The following ZNF462 variants were observed in gnomAD, a reference collection of about 807,000 sequenced individuals.
ZNF462 encodes zinc finger PBX1-interacting protein.
ZNF462 carries 10 observed loss-of-function variants against 201.9 expected under a neutral mutation model. The observed-to-expected ratio is 0.05, with a 90% CI of 0.03 to 0.08. The LOEUF (loss-of-function observed/expected upper bound fraction) is 0.08. ZNF462 is among the 10% of genes least tolerant of loss of function. The pLI is 1.00. For synonymous variants in ZNF462, 1,227 were observed against 1,193.3 expected, an observed-to-expected ratio of 1.03 and a Z score of -0.58; for missense variants, 2,523 against 3,168.3, an observed-to-expected ratio of 0.80 and a Z score of 4.89.
At position 106,974,362 on chromosome 9, in the gene ZNF462, G is replaced by A. The variant is rs1826838286; in HGVS notation, c.6832+89G>A. On this transcript the variant is annotated intron_variant, in intron 9 of 12. Transcript: ENST00000277225. This position sits in a 1 kb window ranked among gnomAD's most constrained non-coding sequence, Gnocchi z 4.0. ...GGGATGCTCTCTCAGAGTGGCAGTA[G>A]CACCTGTGCCTTGTTCCTCACCTTA... 6.3e-7 allele frequency: 1 copy of A among 1,581,078 alleles called. No individual in the cohort carries two copies. Among genetic ancestry groups the A allele is most frequent in the Non-Finnish European group, 8.7e-7 (1 of 1,150,476 alleles).
rs1487052078 is a variant in ZNF462, at chr9:106,924,602, G to A, written c.690G>A (p.Glu230=). The part of the protein sequence containing the change: ...PAEVVERSIL[E]SMVKPLTKSR... Reference sequence around the variant, plus strand: ...AGGTTGTGGAGCGCAGCATCTTAGAGTCTATGGTCAAGCCTTTGACCAAAT... The same window carrying A: ...AGGTTGTGGAGCGCAGCATCTTAGAATCTATGGTCAAGCCTTTGACCAAAT... The change falls in exon 3 of 13, where the codon GAG becomes GAA. Residue 230 remains glutamate (E), a synonymous_variant. Coordinates refer to ENST00000277225, the MANE Select transcript of ZNF462 (RefSeq NM_021224.6). This position sits in a 1 kb window ranked among gnomAD's most constrained non-coding sequence, Gnocchi z 6.2. 6.2e-7 allele frequency: 1 copy of A among 1,614,182 alleles called. No homozygotes were observed. Among genetic ancestry groups the A allele is most frequent in the Non-Finnish European group, 8.5e-7 (1 of 1,180,030 alleles).
rs1359528829 is a variant in ZNF462, at chr9:106,935,059, A to G, written c.6117-444A>G. On this transcript the variant is annotated intron_variant, in intron 5 of 12. Transcript: ENST00000277225. The surrounding 1 kb of genome is among the most constrained non-coding windows in gnomAD (Gnocchi z 4.1). ...ATGAAAGTAGAATTAGAATTCAAAA[A>G]GAAAGTCAGCTCTTTTCAAATGCTA... 6.6e-6 allele frequency among the ~76,000 whole-genome samples: 1 copy of G among 152,232 alleles called. No homozygotes were observed. The highest frequency in any genetic ancestry group is 1.5e-5 in the Non-Finnish European group (1 of 68,040).
rs761436285 is a variant in ZNF462 at position 106,974,182 on chromosome 9, C to T, written c.6741C>T (p.Pro2247=). The change falls in exon 9 of 13, where the codon CCC becomes CCT. Residue 2247 remains proline (P), a synonymous_variant. Transcript: ENST00000277225. The surrounding 1 kb of genome is among the most constrained non-coding windows in gnomAD (Gnocchi z 4.0). ...TGGAAGCTGGGCACTCAGCAGTTCC[C>T]GAGGAGGGCCCCAAAGATCTTCGCT... ...MHVEAGHSAV[P]EEGPKDLRCP... is the part of the protein sequence containing the mutation. The T allele has an allele frequency of 1.9e-6, 3 of 1,613,996 alleles. No homozygotes were observed. Among genetic ancestry groups the T allele is most frequent in the East Asian group, 2.2e-5 (1 of 44,888 alleles).
Position 106,938,833 on chromosome 9 carries a change from CTGAGT to C in ZNF462, c.6236-81_6236-77del. 7.2e-7 allele frequency: 1 copy of C among 1,393,792 alleles called. No homozygotes were observed. The highest frequency in any genetic ancestry group is 9.7e-7 in the Non-Finnish European group (1 of 1,033,232). The allele number at this position is 1,393,792 out of a possible 1,614,324, so 86.3% of individuals were successfully genotyped here. Reference sequence around the variant, plus strand: ...GATGCGCTTCTCTAGCATGAGTTAACTGAGTTATCTTGTTTCCACCCTGGCCTTAT... The same window carrying C: ...GATGCGCTTCTCTAGCATGAGTTAACTATCTTGTTTCCACCCTGGCCTTAT... On this transcript the variant is annotated intron_variant, in intron 6 of 12. Transcript: ENST00000277225. The surrounding 1 kb of genome is among the most constrained non-coding windows in gnomAD (Gnocchi z 4.4).
In ZNF462 at chr9:106,913,717, C is replaced by T. The variant is rs1829648989; in HGVS notation, c.-30-9637C>T. 6.6e-6 allele frequency among the ~76,000 whole-genome samples: 1 copy of T among 150,664 alleles called. No individual in the cohort carries two copies. On this transcript the variant is annotated intron_variant, in intron 1 of 12. Coordinates refer to ENST00000277225, the MANE Select transcript of ZNF462 (RefSeq NM_021224.6). This position sits in a 1 kb window ranked among gnomAD's most constrained non-coding sequence, Gnocchi z 4.1. ...GGCTCAAACAGTTTTCCTGCCTCAG[C>T]CTCCCGAGTAGCTGGGATTACAGGC...
At chr9:106,946,086 G>C (rs1031093066) in intron 7 of ZNF462, among the ~76,000 whole-genome samples, 4 of 152,166 alleles carry the variant, frequency 2.6e-5, no homozygotes, top group Admixed American at 6.5e-5. Context: ...TCATCTCCCT[G>C]TTCCCATGCC....
In ZNF462 at chr9:106,963,842, A is replaced by G. The variant is rs1831950009; in HGVS notation, c.6428-8163A>G. ...TATATCCATAGAACAACAACTCTCC[A>G]CTTCCTTCTACCCACAGCCCCTGGC... On this transcript the variant is annotated intron_variant, in intron 7 of 12. Transcript: ENST00000277225. This position sits in a 1 kb window ranked among gnomAD's most constrained non-coding sequence, Gnocchi z 4.7. Among the ~76,000 whole-genome samples, 1 of 151,872 alleles carries G rather than the reference A, an allele frequency of 6.6e-6. No homozygotes were observed. The highest frequency in any genetic ancestry group is 6.6e-5 in the Admixed American group (1 of 15,224).
chr9:106,987,628 T>C (rs1329380470), intron 10 of ZNF462, among the ~76,000 whole-genome samples: 2 of 152,204 alleles, frequency 1.3e-5, no homozygotes, highest in Non-Finnish European at 2.9e-5. Context: ...TTTACTCTGC[T>C]AACTATTCTT....
At chr9:107,002,118 A>G (rs571333133) in intron 10 of ZNF462, among the ~76,000 whole-genome samples, 1 of 152,264 alleles carries the variant, frequency 6.6e-6, no homozygotes, top group African/African-American at 2.4e-5. Flanking sequence ...CCCAAAGACT[A>G]TTTTGGAATT....
At chr9:106,899,987 GC>G (rs1828987524) in intron 1 of ZNF462, among the ~76,000 whole-genome samples, 1 of 143,256 alleles carries the variant, frequency 7.0e-6, no homozygotes, top group Admixed American at 7.0e-5. Context: ...TTTATCTCTT[GC>G]CCCCCTCCCA....
chr9:106,972,059 C>T lies in ZNF462; in HGVS notation c.6482C>T (p.Ser2161Leu). Residue 2161 changes from serine to leucine, a missense_variant, in exon 8 of 13, where the codon TCA becomes TTA. By Grantham distance (145) the Ser-to-Leu change is moderately radical. Around this residue, in one of 15 missense-constraint regions of ZNF462, gnomAD observed 138 missense variants for 146.3 expected, o/e 0.94. Transcript: ENST00000277225. The surrounding 1 kb of genome is among the most constrained non-coding windows in gnomAD (Gnocchi z 4.8). ...DVQQQLNHYQ[S>L]AALARNNSRV... ...CAGCAGCAGTTGAACCACTATCAGT[C>T]AGCTGCCCTGGCAAGGAACAACAGC... The T allele has an allele frequency of 6.2e-7, 1 of 1,614,166 alleles. No homozygotes were observed. Among genetic ancestry groups the T allele is most frequent in the South Asian group, 1.1e-5 (1 of 91,068 alleles).
chr9:106,977,726 T>C lies in ZNF462; in HGVS notation c.6832+3453T>C, dbSNP rs911485965. Among the ~76,000 whole-genome samples the C allele has an allele frequency of 6.6e-6, 1 of 151,430 alleles. No individual in the cohort carries two copies. The highest frequency in any genetic ancestry group is 1.5e-5 in the Non-Finnish European group (1 of 68,010). ...TGATGGGTATCTAGGTATATTTCTG[T>C]TTGTAGTAGAGAGGGGTGGCTTTCA... On this transcript the variant is annotated intron_variant, in intron 9 of 12. Transcript: ENST00000277225. This position sits in a 1 kb window ranked among gnomAD's most constrained non-coding sequence, Gnocchi z 4.6.
chr9:106,873,240 C>G (rs1317520931), intron 1 of ZNF462, among the ~76,000 whole-genome samples: 3 of 152,026 alleles, frequency 2.0e-5, no homozygotes, highest in African/African-American at 4.8e-5. Context: ...ATTGCAATAG[C>G]TTGAGGAAGT....
In ZNF462 at chr9:106,923,522, G is replaced by A. The variant is rs1031505827; in HGVS notation, c.139G>A (p.Gly47Arg). Reference sequence around the variant, plus strand: ...GGACAATGTGAATGAGCTACGATGTGGGTCCGTGAATGCCAGTAATCAGAC... The same window carrying A: ...GGACAATGTGAATGAGCTACGATGTAGGTCCGTGAATGCCAGTAATCAGAC... ...AEDNVNELRC[G>R]SVNASNQTEV... Residue 47 changes from glycine (G) to arginine (R), a missense_variant, in exon 2 of 13, where the codon GGG becomes AGG. Gly to Arg is a moderately radical substitution (Grantham distance 125). Transcript: ENST00000277225. The surrounding 1 kb of genome is among the most constrained non-coding windows in gnomAD (Gnocchi z 5.6). The A allele has an allele frequency of 1.2e-6, 2 of 1,614,066 alleles. No homozygotes were observed. Among genetic ancestry groups the A allele is most frequent in the African/African-American group, 2.7e-5 (2 of 74,924 alleles).
In ZNF462 at chr9:106,929,793, A is replaced by C; in HGVS notation, c.5847+34A>C. 3 of 1,569,310 alleles carry C rather than the reference A, an allele frequency of 1.9e-6. No individual in the cohort carries two copies. Among genetic ancestry groups the C allele is most frequent in the Non-Finnish European group, 2.6e-6 (3 of 1,154,846 alleles). ...ATGTTTTGATTTCCCTTCCCCCAGG[A>C]GGCCTCTCATCACTGGTGCCCACAT... On this transcript the variant is annotated intron_variant, in intron 3 of 12. Coordinates refer to ENST00000277225, the MANE Select transcript of ZNF462 (RefSeq NM_021224.6). This position sits in a 1 kb window ranked among gnomAD's most constrained non-coding sequence, Gnocchi z 8.7.
chr9:106,911,996 T>C (rs1272762822), intron 1 of ZNF462, among the ~76,000 whole-genome samples: 1 of 152,210 alleles, frequency 6.6e-6, no homozygotes, highest in Non-Finnish European at 1.5e-5. Context: ...TATTCTGGTA[T>C]CATTAGTCTG....
intron 1 of ZNF462, among the ~76,000 whole-genome samples, chr9:106,891,655 A>G (rs1271483771): frequency 6.6e-6 from 1 of 152,174 alleles, no homozygotes; most frequent in East Asian, 1.9e-4. Flanking sequence ...AATAAATCAC[A>G]TCTGAACGTG....
At position 106,924,019 on chromosome 9, in the gene ZNF462, G is replaced by T; in HGVS notation, c.221-114G>T. The T allele has an allele frequency of 1.1e-6, 1 of 887,376 alleles. No individual in the cohort carries two copies. Among genetic ancestry groups the T allele is most frequent in the South Asian group, 1.8e-5 (1 of 56,184 alleles). The allele number at this position is 887,376 out of a possible 1,614,324, so 55.0% of individuals were successfully genotyped here. The stretch of plus-strand genomic sequence containing the variant: ...TTCAAGGCCTCATCTTGAGACTTCA[G>T]GCCTTTTGCATGTGATGTTTAGTAA... On this transcript the variant is annotated intron_variant, in intron 2 of 12. Coordinates refer to ENST00000277225, the MANE Select transcript of ZNF462 (RefSeq NM_021224.6). This position sits in a 1 kb window ranked among gnomAD's most constrained non-coding sequence, Gnocchi z 6.2.
At chr9:106,860,937 CCTTTCTT>C (rs1305275972), upstream of ZNF462, among the ~76,000 whole-genome samples, 1 of 151,968 alleles carries the variant, frequency 6.6e-6, no homozygotes, top group Non-Finnish European at 1.5e-5. This position sits in a 1 kb window ranked among gnomAD's most constrained non-coding sequence, Gnocchi z 7.1. Context: ...CCTCCTCTCT[CCTTTCTT>C]CTTTCTCTTC....
Sources: gnomAD v4.1 joint callset for allele counts (sites outside exome capture counted in the v4.1 genomes callset) on GRCh38, gnomAD v4.1.1 for gene constraint, gnomAD v4.1.1 regional missense constraint, Gnocchi (gnomAD v3.1) non-coding constraint, MANE v1.5 for transcripts, NCBI Gene and HGNC (gene_info 2026-07-23, HGNC 2026-07-21) for gene names.